Variants in EIF4E3 observed in about 807,000 individuals in gnomAD.
The protein encoded by EIF4E3 is eukaryotic translation initiation factor 4E family member 3.
A neutral mutation model predicts 31.7 loss-of-function variants in EIF4E3; 26 were observed. That is an observed-to-expected ratio of 0.82 (90% CI 0.60 to 1.14). The LOEUF is 1.14. Ranked by LOEUF, EIF4E3 falls within the 50% of genes most tolerant of loss-of-function variation. The pLI is 0.00. For synonymous variants in EIF4E3, 128 were observed against 107.7 expected (o/e 1.19, Z -1.17); for missense variants, 304 against 270.9 (o/e 1.12, Z -0.86).
chr3:71,685,108 C>T (rs2048975129), intron 6 of EIF4E3, among the ~76,000 whole-genome samples: 1 of 151,910 alleles, frequency 6.6e-6, no homozygotes, highest in Non-Finnish European at 1.5e-5. Flanking sequence ...CCTGACACAA[C>T]CCAAGACAGA....
At chr3:71,729,227 C>T (rs948004618), upstream of EIF4E3, 1 of 152,222 alleles carries the variant, frequency 6.6e-6, no homozygotes, top group African/African-American at 2.4e-5. Flanking sequence ...GTCACAGGAA[C>T]AGCAGAATGA....
intron 2 of EIF4E3, among the ~76,000 whole-genome samples, chr3:71,706,946 T>C (rs756540200): frequency 6.6e-6 from 1 of 152,236 alleles, no homozygotes; most frequent in Non-Finnish European, 1.5e-5. Flanking sequence ...GGACAATTTA[T>C]CAGCTGTTAT....
At chr3:71,725,492 C>A (rs2049625073), upstream of EIF4E3, 3 of 344,410 alleles carry the variant, frequency 8.7e-6, no homozygotes, top group South Asian at 2.1e-4. The surrounding 1 kb of genome is among the most constrained non-coding windows in gnomAD (Gnocchi z 6.1). Context: ...AGCCGCCCGC[C>A]GCCCGCCGCC....
chr3:71,716,615 G>C (rs2049470661), intron 1 of EIF4E3, among the ~76,000 whole-genome samples: 1 of 152,144 alleles, frequency 6.6e-6, no homozygotes, highest in Non-Finnish European at 1.5e-5. Context: ...ATGCATACAT[G>C]ATCTCCTTTT....
intron 1 of EIF4E3, among the ~76,000 whole-genome samples, chr3:71,714,226 A>T (rs1353090352): frequency 6.8e-6 from 1 of 146,246 alleles, no homozygotes; most frequent in Non-Finnish European, 1.5e-5. Context: ...AAAAAGAAAG[A>T]AAGAAGGGAA....
intron 6 of EIF4E3, among the ~76,000 whole-genome samples, chr3:71,685,953 T>G (rs1227789871): frequency 1.3e-5 from 2 of 152,148 alleles, no homozygotes; most frequent in African/African-American, 4.8e-5. Context: ...CATTTCACCT[T>G]TTAAGCCCCT....
At chr3:71,664,749 C>A in the EIF4E3 span, among the ~76,000 whole-genome samples, 1 of 152,248 alleles carries the variant, frequency 6.6e-6, no homozygotes, top group South Asian at 2.1e-4. Flanking sequence ...GTGGTGTGTG[C>A]CTATAATCCC....
At chr3:71,690,191 A>T (rs1193845754) in intron 5 of EIF4E3, 26 bp from the exon 6 acceptor site, 1 of 1,591,206 alleles carries the variant, frequency 6.3e-7, no homozygotes. Flanking sequence ...GAAAAAAAAA[A>T]AATGAGTGAT....
chr3:71,668,451 G>A, the EIF4E3 span, among the ~76,000 whole-genome samples: 2 of 151,966 alleles, frequency 1.3e-5, no homozygotes, highest in African/African-American at 2.4e-5. Flanking sequence ...TCATCAGAGT[G>A]AACAGGCAAC....
downstream of EIF4E3, among the ~76,000 whole-genome samples, chr3:71,673,643 C>G (rs767398995): frequency 6.6e-6 from 1 of 151,634 alleles, no homozygotes; most frequent in Non-Finnish European, 1.5e-5. Flanking sequence ...ATGTGCAACT[C>G]AAAAATGTCT....
At chr3:71,688,774 A>C (rs1479351074) in intron 6 of EIF4E3, among the ~76,000 whole-genome samples, 1 of 152,202 alleles carries the variant, frequency 6.6e-6, no homozygotes, top group African/African-American at 2.4e-5. Flanking sequence ...TGGCATCGGC[A>C]AATTGGCAAC....
intron 1 of EIF4E3, among the ~76,000 whole-genome samples, chr3:71,748,351 G>A (rs547344630): frequency 9.9e-5 from 15 of 152,234 alleles, no homozygotes; most frequent in East Asian, 7.7e-4. Flanking sequence ...GGGTGCACGC[G>A]GAGGCCCTGG....
At chr3:71,702,198 G>A (rs2049226979) in intron 2 of EIF4E3, among the ~76,000 whole-genome samples, 1 of 152,188 alleles carries the variant, frequency 6.6e-6, no homozygotes, top group Non-Finnish European at 1.5e-5. Flanking sequence ...TTTCCCACCA[G>A]TAAAATGCCC....
intron 1 of EIF4E3, among the ~76,000 whole-genome samples, chr3:71,737,970 C>T (rs994110134): frequency 6.6e-6 from 1 of 152,152 alleles, no homozygotes; most frequent in African/African-American, 2.4e-5. Context: ...ATAAGACATG[C>T]TTTCTCAATT....
chr3:71,726,018 G>A (rs1000239523), upstream of EIF4E3, among the ~76,000 whole-genome samples: 3 of 152,176 alleles, frequency 2.0e-5, no homozygotes, highest in African/African-American at 7.2e-5. Flanking sequence ...AGAACAAAGG[G>A]CGAGAAAGAA....
chr3:71,663,444 T>C, the EIF4E3 span, among the ~76,000 whole-genome samples: 8 of 152,238 alleles, frequency 5.3e-5, no homozygotes, highest in African/African-American at 1.9e-4. Flanking sequence ...ACTACAACAC[T>C]GTCTACAAAC....
At chr3:71,673,404 A>G (rs2048856313), downstream of EIF4E3, among the ~76,000 whole-genome samples, 1 of 152,150 alleles carries the variant, frequency 6.6e-6, no homozygotes, top group East Asian at 1.9e-4. Context: ...GCTTTCAAAG[A>G]TGTTTAAAAA....
chr3:71,740,349 T>G (rs1028537240), intron 1 of EIF4E3, among the ~76,000 whole-genome samples: 1 of 152,204 alleles, frequency 6.6e-6, no homozygotes. Context: ...CTACAAGAAA[T>G]GCACTTTAAA....
chr3:71,727,887 G>A (rs751944377), upstream of EIF4E3, among the ~76,000 whole-genome samples: 2 of 152,162 alleles, frequency 1.3e-5, no homozygotes, highest in Non-Finnish European at 2.9e-5. Flanking sequence ...TGCAGTTTCT[G>A]TAAAAGGATT....
Sources: allele counts gnomAD v4.1 joint callset (sites outside exome capture counted in the v4.1 genomes callset), GRCh38; gene constraint gnomAD v4.1.1; non-coding constraint Gnocchi (gnomAD v3.1); transcripts MANE v1.5; gene names NCBI Gene and HGNC (gene_info 2026-07-23, HGNC 2026-07-21).